Variants in AUTS2 observed in about 807,000 individuals in gnomAD.
AUTS2 encodes the protein activator of transcription and developmental regulator AUTS2.
Under a neutral mutation model 112.4 loss-of-function variants are expected in AUTS2, and 17 were observed. That is an observed-to-expected ratio of 0.15 (90% CI 0.10 to 0.23). The LOEUF (loss-of-function observed/expected upper bound fraction) is 0.23. AUTS2 is among the 10% of genes least tolerant of loss of function. AUTS2 has a pLI of 1.00. For missense variants in AUTS2, 1,510 were observed against 1,701.6 expected, an observed-to-expected ratio of 0.89 and a Z score of 1.98; for synonymous variants, 751 against 702.7, an observed-to-expected ratio of 1.07 and a Z score of -1.09.
At chr7:69,840,195 G>A (rs1056541870) in intron 1 of AUTS2, among the ~76,000 whole-genome samples, 2 of 152,164 alleles carry the variant, frequency 1.3e-5, no homozygotes, top group African/African-American at 2.4e-5. Flanking sequence ...TATTAAAGGA[G>A]AACTGTTGAG....
intron 4 of AUTS2, among the ~76,000 whole-genome samples, chr7:70,198,131 CCTGT>C (rs1363786032): frequency 7.1e-6 from 1 of 141,760 alleles, no homozygotes; most frequent in African/African-American, 2.6e-5. Context: ...AGCTGAGGGT[CCTGT>C]CTGTTAGAAG....
chr7:69,895,213 T>C lies in AUTS2; in HGVS notation c.310-4073T>C, dbSNP rs1794693737. On this transcript the variant is annotated intron_variant, in intron 1 of 18. Transcript: ENST00000342771. ...TTTATGATCAGTCTTTGTCTTTGAT[T>C]CTTAATGCTTATAATGGATAGTTTT... Among the ~76,000 whole-genome samples, 2 of 152,164 alleles carry C rather than the reference T, an allele frequency of 1.3e-5. 1 individual carries two copies. Among genetic ancestry groups the C allele is most frequent in the South Asian group, 4.2e-4 (2 of 4,778 alleles).
At chr7:69,937,994 A>C (rs184166334) in intron 2 of AUTS2, among the ~76,000 whole-genome samples, 1 of 152,334 alleles carries the variant, frequency 6.6e-6, no homozygotes, top group Admixed American at 6.5e-5. Flanking sequence ...TGGGAAGTCC[A>C]TGCTAAACAT....
At chr7:70,039,627 G>C (rs560872328) in intron 2 of AUTS2, among the ~76,000 whole-genome samples, 1 of 152,166 alleles carries the variant, frequency 6.6e-6, no homozygotes. Flanking sequence ...GGGATTACAG[G>C]TGTGAATCAT....
intron 5 of AUTS2, among the ~76,000 whole-genome samples, chr7:70,445,495 C>T (rs1248310764): frequency 3.3e-5 from 5 of 152,076 alleles, no homozygotes; most frequent in Admixed American, 6.5e-5. Context: ...AAACATGGAA[C>T]GAATAAAATT....
At chr7:70,234,154 T>G (rs751911320) in intron 4 of AUTS2, among the ~76,000 whole-genome samples, 1 of 152,208 alleles carries the variant, frequency 6.6e-6, no homozygotes, top group Non-Finnish European at 1.5e-5. Flanking sequence ...TCATAGGCTG[T>G]GCTTTTCTGA....
At chr7:69,750,482 T>TAGTAGTAGTAGTAGTAGTAGC (rs1787690826) in intron 1 of AUTS2, among the ~76,000 whole-genome samples, 1 of 149,978 alleles carries the variant, frequency 6.7e-6, no homozygotes, top group East Asian at 1.9e-4. Context: ...TTAGTAGTAG[T>TAGTAGTAGTAGTAGTAGTAGC]AGTAGTAGTA....
Position 70,737,655 on chromosome 7 carries a change from G to C in AUTS2, c.743-25215G>C, listed in dbSNP as rs148489317. On this transcript the variant is annotated intron_variant, in intron 6 of 18. Coordinates refer to ENST00000342771, the MANE Select transcript of AUTS2 (RefSeq NM_015570.4). Reference sequence around the variant, plus strand: ...GACCACAGTTACTAAATAGTTTCCAGAGTGGACTGACATGCATTTTTCTTT... The same window carrying C: ...GACCACAGTTACTAAATAGTTTCCACAGTGGACTGACATGCATTTTTCTTT... Among the ~76,000 whole-genome samples, 518 of 152,272 alleles carry C rather than the reference G, an allele frequency of 3.4e-3. 1 individual carries two copies. Among genetic ancestry groups the C allele is most frequent in the South Asian group, 9.8e-3 (47 of 4,814 alleles).
In AUTS2 at chr7:69,820,620, T is replaced by C. The variant is rs575498801; in HGVS notation, c.310-78666T>C. Among the ~76,000 whole-genome samples the C allele has an allele frequency of 2.6e-5, 4 of 152,340 alleles. No individual in the cohort carries two copies. In the South Asian group the frequency reaches 8.3e-4, roughly 32 times the overall value. On this transcript the variant is annotated intron_variant, in intron 1 of 18. Coordinates refer to ENST00000342771, the MANE Select transcript of AUTS2 (RefSeq NM_015570.4). ...AATAAGGTGCTTTATAGCAGGATGC[T>C]AAGCTGGACTGTCAATCATGTGGGA...
At position 70,118,284 on chromosome 7, in the gene AUTS2, GGCCACACACACACCATTGGTTCAA is replaced by G. The variant is rs1418819602; in HGVS notation, c.624+53_624+76del. On this transcript the variant is annotated intron_variant, in intron 3 of 18. Coordinates refer to ENST00000342771, the MANE Select transcript of AUTS2 (RefSeq NM_015570.4). ...AAAAAAAAATTAACGAAAACCACTA[GGCCACACACACACCATTGGTTCAA>G]GTCTGAATTACATAACTTTCCCTCA... The G allele has an allele frequency of 2.0e-6, 3 of 1,487,334 alleles. No individual in the cohort carries two copies. The East Asian group carries it at 7.5e-5, about 37-fold the overall frequency. The allele number at this position is 1,487,334 out of a possible 1,614,324, so 92.1% of individuals were successfully genotyped here. A position where few individuals can be genotyped will look rare whatever the true frequency, so the allele number is the denominator to read the frequency against.
chr7:70,256,084 G>A (rs1409805260), intron 4 of AUTS2, among the ~76,000 whole-genome samples: 1 of 152,104 alleles, frequency 6.6e-6, no homozygotes, highest in African/African-American at 2.4e-5. Context: ...CTAATGATGT[G>A]GTCTCTAGGT....
At chr7:69,740,300 G>A (rs1787207569) in intron 1 of AUTS2, among the ~76,000 whole-genome samples, 1 of 152,192 alleles carries the variant, frequency 6.6e-6, no homozygotes, top group South Asian at 2.1e-4. Flanking sequence ...AAGAATGACA[G>A]CTGATGTGCA....
rs13232950 is a variant in AUTS2 at position 70,352,151 on chromosome 7, G to A, written c.661-83601G>A. Among the ~76,000 whole-genome samples, 1,005 of 152,280 alleles carry A rather than the reference G, an allele frequency of 6.6e-3. 2 individuals are homozygous for A. Among genetic ancestry groups the A allele is most frequent in the Non-Finnish European group, 0.011 (740 of 68,018 alleles). On this transcript the variant is annotated intron_variant, in intron 4 of 18. Transcript: ENST00000342771. ...CACATACTAAAAAACTGAGGCACAA[G>A]GAGTTTAAGGAACTCGCTCAAAATG...
intron 4 of AUTS2, among the ~76,000 whole-genome samples, chr7:70,286,240 T>C (rs1003282835): frequency 6.6e-6 from 1 of 152,140 alleles, no homozygotes; most frequent in Non-Finnish European, 1.5e-5. Flanking sequence ...GAAGGCCAGG[T>C]GTAGGTTCCA....
chr7:69,947,377 T>C (rs1431742394), intron 2 of AUTS2, among the ~76,000 whole-genome samples: 2 of 152,196 alleles, frequency 1.3e-5, no homozygotes, highest in Admixed American at 1.3e-4. Context: ...ATCGTCTCAG[T>C]GTAAGGATTT....
At chr7:69,931,212 C>T (rs1214055735) in intron 2 of AUTS2, among the ~76,000 whole-genome samples, 1 of 152,044 alleles carries the variant, frequency 6.6e-6, no homozygotes. Context: ...ACTTGCCATT[C>T]TTACATCTCC....
intron 1 of AUTS2, among the ~76,000 whole-genome samples, chr7:69,734,348 G>GTTTTTT (rs77361580): frequency 4.5e-5 from 6 of 132,016 alleles, no homozygotes; most frequent in African/African-American, 1.7e-4. Context: ...TTCCTCTTTA[G>GTTTTTT]TTTTTTTTTT....
chr7:70,359,265 T>A (rs1792147122), intron 4 of AUTS2, among the ~76,000 whole-genome samples: 1 of 152,234 alleles, frequency 6.6e-6, no homozygotes, highest in Non-Finnish European at 1.5e-5. Context: ...CTTTAAAGAA[T>A]GACGATAATT....
At chr7:70,237,006 G>A (rs1812361520) in intron 4 of AUTS2, among the ~76,000 whole-genome samples, 1 of 152,128 alleles carries the variant, frequency 6.6e-6, no homozygotes, top group Admixed American at 6.5e-5. Flanking sequence ...AATTTGTGTA[G>A]AATGTCAGAT....
Sources: gnomAD v4.1 joint callset for allele counts (sites outside exome capture counted in the v4.1 genomes callset) on GRCh38, gnomAD v4.1.1 for gene constraint, MANE v1.5 for transcripts, NCBI Gene and HGNC (gene_info 2026-07-23, HGNC 2026-07-21) for gene names.